The following SYNE1 variants were observed in gnomAD, a reference collection of about 807,000 sequenced individuals.
SYNE1 encodes spectrin repeat containing nuclear envelope protein 1, also known as nesprin-1.
In SYNE1, 616 loss-of-function variants were observed where a neutral mutation model predicts 1,111.0. That is an observed-to-expected ratio of 0.55 (90% CI 0.52 to 0.59). The LOEUF (loss-of-function observed/expected upper bound fraction) is 0.59. Ranked by LOEUF, SYNE1 falls within the 20% of genes least tolerant of loss-of-function variation. SYNE1 has a pLI of 0.00. For synonymous variants in SYNE1, 3,855 were observed against 3,825.8 expected, an observed-to-expected ratio of 1.01 and a Z score of -0.28; for missense variants, 10,006 against 10,417.0, an observed-to-expected ratio of 0.96 and a Z score of 1.72.
intron 144 of SYNE1, among the ~76,000 whole-genome samples, chr6:152,131,352 A>G (rs1214284699): frequency 1.3e-5 from 2 of 152,090 alleles, no homozygotes; most frequent in Non-Finnish European, 2.9e-5. Context: ...AAAATCCTAA[A>G]AAAGATAATA....
chr6:152,634,132 T>C lies in SYNE1; in HGVS notation c.-224+2506A>G, dbSNP rs542620811. ...TACACTAAGAAAAGCACTGAAGAAA[T>C]ACTACTGAGCCACAAGAATATATAT... On this transcript the variant is annotated intron_variant, in intron 2 of 145. Transcript: ENST00000367255. Among the ~76,000 whole-genome samples the C allele has an allele frequency of 2.1e-3, 318 of 152,298 alleles. 4 individuals are homozygous for C. The highest frequency in any genetic ancestry group is 7.4e-3 in the African/African-American group (306 of 41,584).
intron 64 of SYNE1, among the ~76,000 whole-genome samples, chr6:152,360,237 G>C (rs563815954): frequency 3.9e-5 from 6 of 152,240 alleles, no homozygotes; most frequent in African/African-American, 1.4e-4. Context: ...ATCAGGCTCT[G>C]TCTCTCCATC....
chr6:152,349,223 C>A (rs2096698602), intron 72 of SYNE1, among the ~76,000 whole-genome samples: 1 of 152,170 alleles, frequency 6.6e-6, no homozygotes, highest in South Asian at 2.1e-4. Context: ...GTGGTAAACA[C>A]GATTACTAAA....
chr6:152,462,456 A>G, intron 20 of SYNE1: 1 of 544,658 alleles, frequency 1.8e-6, no homozygotes, highest in Non-Finnish European at 3.2e-6. Flanking sequence ...TGCGGGTGCT[A>G]TCTATAGATG....
Position 152,426,295 on chromosome 6 carries a change from T to C in SYNE1, c.5101-748A>G, listed in dbSNP as rs570984778. Among the ~76,000 whole-genome samples, 3 of 152,214 alleles carry C rather than the reference T, an allele frequency of 2.0e-5. No homozygotes were observed. The South Asian group carries it at 6.2e-4, about 32-fold the overall frequency. Reference sequence around the variant, plus strand: ...TCCCTTCCTAGTGAGGCCACATAGGTGATACAAGCAAGATTGCTAAAGGGA... The same window carrying C: ...TCCCTTCCTAGTGAGGCCACATAGGCGATACAAGCAAGATTGCTAAAGGGA... On this transcript the variant is annotated intron_variant, in intron 38 of 145. Transcript: ENST00000367255.
intron 121 of SYNE1, among the ~76,000 whole-genome samples, chr6:152,215,393 T>C (rs2078390710): frequency 6.6e-6 from 1 of 151,990 alleles, no homozygotes; most frequent in Non-Finnish European, 1.5e-5. Flanking sequence ...TTTACACGTA[T>C]TATATTATTT....
Position 152,136,703 on chromosome 6 carries a change from G to C in SYNE1, c.25574C>G (p.Ser8525Trp). The C allele has an allele frequency of 6.2e-7, 1 of 1,614,204 alleles. No homozygotes were observed. The highest frequency in any genetic ancestry group is 8.5e-7 in the Non-Finnish European group (1 of 1,180,042). Reference sequence around the variant, plus strand: ...TCGGTCCCAGCGCCCATTCATCTGCGACAAGCGATCCTGCAGGTCCCGGCT... The same window carrying C: ...TCGGTCCCAGCGCCCATTCATCTGCCACAAGCGATCCTGCAGGTCCCGGCT... ...KESRDLQDRL[S>W]QMNGRWDRVC... The change falls in exon 141 of 146, where the codon TCG becomes TGG. Residue 8525 changes from serine (S) to tryptophan (W), a missense_variant. Ser to Trp is a radical substitution (Grantham distance 177). Transcript: ENST00000367255.
intron 128 of SYNE1, among the ~76,000 whole-genome samples, chr6:152,186,170 A>G (rs78232801): frequency 0.063 from 9,529 of 152,252 alleles, 469 homozygotes; most frequent in African/African-American, 0.14. Context: ...AAAGAGAAAT[A>G]AGAATTCAGA....
chr6:152,157,760 CTTTT>C (rs545941179), intron 131 of SYNE1, among the ~76,000 whole-genome samples: 1 of 135,140 alleles, frequency 7.4e-6, no homozygotes. Flanking sequence ...AGAACAAATT[CTTTT>C]TTTTTTTTTT....
chr6:152,229,899 T>A (rs2082372964), intron 115 of SYNE1, among the ~76,000 whole-genome samples: 1 of 152,198 alleles, frequency 6.6e-6, no homozygotes, highest in African/African-American at 2.4e-5. Flanking sequence ...ATTATTAAAC[T>A]TTTGGTGGTG....
chr6:152,483,010 A>G lies in SYNE1; in HGVS notation c.1350+75T>C. 3 of 1,532,072 alleles carry G rather than the reference A, an allele frequency of 2.0e-6. No individual in the cohort carries two copies. In the South Asian group the frequency reaches 3.4e-5, roughly 17 times the overall value. 94.9% of individuals were successfully genotyped at this position (1,532,072 alleles called of 1,614,324 possible). ...ATATTTGGGGCGTCCCCGCCAGAGC[A>G]GGTTGTAACTAGGCTACCTCTCCAG... On this transcript the variant is annotated intron_variant, in intron 14 of 145. Coordinates refer to ENST00000367255, the MANE Select transcript of SYNE1 (RefSeq NM_182961.4).
chr6:152,446,191 C>T (rs574986993), intron 29 of SYNE1, among the ~76,000 whole-genome samples: 6 of 147,704 alleles, frequency 4.1e-5, no homozygotes, highest in African/African-American at 1.5e-4. Flanking sequence ...TTGATCTTGG[C>T]TCAAAGATCA....
chr6:152,485,687 C>T (rs1236291739), intron 12 of SYNE1, among the ~76,000 whole-genome samples: 2 of 151,992 alleles, frequency 1.3e-5, no homozygotes, highest in South Asian at 2.1e-4. Context: ...AAATATGACT[C>T]CAAATCTAAA....
At chr6:152,308,750 T>G in intron 90 of SYNE1, 118 bp from the exon 91 acceptor site, 5 of 1,123,442 alleles carry the variant, frequency 4.5e-6, no homozygotes, top group Non-Finnish European at 6.2e-6. Flanking sequence ...AAAGAAATGA[T>G]GGGTAAAATT....
chr6:152,449,779 A>G, intron 27 of SYNE1, 138 bp from the exon 28 acceptor site: 1 of 749,996 alleles, frequency 1.3e-6, no homozygotes, highest in South Asian at 1.7e-5. Context: ...TCTGGAAACT[A>G]TTCTTTTAAC....
intron 104 of SYNE1, among the ~76,000 whole-genome samples, chr6:152,251,489 T>C (rs1359490631): frequency 7.2e-5 from 11 of 151,756 alleles, no homozygotes; most frequent in African/African-American, 2.4e-4. Flanking sequence ...CCGGGCGCGG[T>C]GGCTCACGCC....
chr6:152,323,777 T>C (rs1590067739), intron 81 of SYNE1, 40 bp from the exon 82 acceptor site: 2 of 1,610,388 alleles, frequency 1.2e-6, no homozygotes, highest in Admixed American at 3.3e-5. Flanking sequence ...CAATAATAAA[T>C]AAACTGAAAA....
At position 152,350,607 on chromosome 6, in the gene SYNE1, T is replaced by A. The variant is rs370111491; in HGVS notation, c.11733+11A>T. 1.8e-5 allele frequency: 29 copies of A among 1,614,180 alleles called. No homozygotes were observed. Among genetic ancestry groups the A allele is most frequent in the Non-Finnish European group, 2.3e-5 (27 of 1,180,020 alleles). On this transcript the variant is annotated intron_variant, in intron 71 of 145. Transcript: ENST00000367255. Reference sequence around the variant, plus strand: ...ATAAACCCTTTTACGGAGTCTTTCATCTCTCCTTACCTTTCCTATGCTGCA... The same window carrying A: ...ATAAACCCTTTTACGGAGTCTTTCAACTCTCCTTACCTTTCCTATGCTGCA...
intron 127 of SYNE1, among the ~76,000 whole-genome samples, chr6:152,199,745 C>T (rs1016334616): frequency 6.6e-6 from 1 of 152,174 alleles, no homozygotes; most frequent in African/African-American, 2.4e-5. Flanking sequence ...CTGTCTGAGG[C>T]TAACTTCCCA....
Sources: allele counts gnomAD v4.1 joint callset (sites outside exome capture counted in the v4.1 genomes callset), GRCh38; gene constraint gnomAD v4.1.1; transcripts MANE v1.5; gene names NCBI Gene and HGNC (gene_info 2026-07-23, HGNC 2026-07-21).